Variants in AVIL observed in about 807,000 individuals in gnomAD.
AVIL encodes advillin.
In AVIL, 78 loss-of-function variants were observed where a neutral mutation model predicts 109.9. The observed-to-expected ratio is 0.71, with a 90% CI of 0.59 to 0.86. AVIL has a LOEUF of 0.86. AVIL is among the 40% of genes least tolerant of loss of function. The probability of loss-of-function intolerance (pLI) is 0.00; values close to 1 mark genes in which losing one functional copy is unlikely to be tolerated. For missense variants in AVIL, 892 were observed against 1,016.5 expected (o/e 0.88, Z 1.67); for synonymous variants, 367 against 379.1 (o/e 0.97, Z 0.37).
chr12:57,810,647 T>TA lies in AVIL; in HGVS notation c.559-97dup, dbSNP rs3216741. 481,450 of 1,459,634 alleles carry TA rather than the reference T, an allele frequency of 0.33. 87,416 individuals carry two copies. The highest frequency in any genetic ancestry group is 0.7 in the East Asian group (30,462 of 43,806). The allele number at this position is 1,459,634 out of a possible 1,614,324, so 90.4% of individuals were successfully genotyped here. On this transcript the variant is annotated intron_variant, in intron 6 of 19. Coordinates refer to ENST00000549994, the MANE Select transcript of AVIL (RefSeq NM_006576.4). ...CAGCCTAGATCCCAGACACAGGAGT[T>TA]ACTTGGATGCTGAGGAGTCCAGGGT... is the stretch of plus-strand genomic sequence containing the variant.
At chr12:57,814,030 T>A in intron 3 of AVIL, 122 bp downstream of exon 3, 3 of 1,038,794 alleles carry the variant, frequency 2.9e-6, no homozygotes, top group Non-Finnish European at 4.3e-6. Flanking sequence ...TGCATAGCAC[T>A]GAGGAACCAT....
chr12:57,817,032 C>T (rs962984146), intron 1 of AVIL, among the ~76,000 whole-genome samples: 1 of 151,962 alleles, frequency 6.6e-6, no homozygotes, highest in East Asian at 1.9e-4. Flanking sequence ...CTGTGTAGGT[C>T]GTGTACCATC....
Position 57,807,387 on chromosome 12 carries a change from C to G in AVIL, c.1435G>C (p.Gly479Arg), listed in dbSNP as rs1372468300. Reference sequence around the variant, plus strand: ...GCCATGAAGTGGCGTGGCTCCGTTCCCATCCTGACTCGAACCTGCACAGCA... The same window carrying G: ...GCCATGAAGTGGCGTGGCTCCGTTCGCATCCTGACTCGAACCTGCACAGCA... ...GAAVQVRVRM[G>R]TEPRHFMAIF... Residue 479 changes from glycine (G) to arginine (R), a missense_variant, in exon 13 of 20, where the codon GGA becomes CGA. By Grantham distance (125) the Gly-to-Arg change is moderately radical (BLOSUM62 -2). Transcript: ENST00000549994. The G allele has an allele frequency of 2.5e-6, 4 of 1,614,242 alleles. No homozygotes were observed. The East Asian group carries it at 8.9e-5, about 36-fold the overall frequency.
chr12:57,815,821 T>G, intron 2 of AVIL, 154 bp downstream of exon 2: 1 of 1,515,140 alleles, frequency 6.6e-7, no homozygotes, highest in Non-Finnish European at 8.8e-7. Context: ...CCAGGAGAGG[T>G]GAAGGATGGG....
intron 2 of AVIL, among the ~76,000 whole-genome samples, chr12:57,815,205 G>A (rs1271652070): frequency 6.6e-6 from 1 of 152,230 alleles, no homozygotes; most frequent in African/African-American, 2.4e-5. Flanking sequence ...ACCCGCCTCA[G>A]CCTCCCAGAG....
rs781263584 is a variant in AVIL, at chr12:57,810,486, G to A, written c.624C>T (p.Ile208=). ...GGCTGGCTGCCTCCTTGTCTCCCTCGATCACTCCTATTTTAGCACGGCCCC... is the reference window on the plus strand; with the variant it reads ...GGCTGGCTGCCTCCTTGTCTCCCTCAATCACTCCTATTTTAGCACGGCCCC... ...ERGGRAKIGV[I]EGDKEAASPE... Residue 208 remains isoleucine (I), a synonymous_variant, in exon 7 of 20, where the codon ATC becomes ATT. Transcript: ENST00000549994. 11 of 1,613,976 alleles carry A rather than the reference G, an allele frequency of 6.8e-6. No individual in the cohort carries two copies. The highest frequency in any genetic ancestry group is 1.6e-4 in the Middle Eastern group (1 of 6,078).
chr12:57,812,603 G>A (rs1026252753), intron 4 of AVIL, among the ~76,000 whole-genome samples: 12 of 148,522 alleles, frequency 8.1e-5, no homozygotes, highest in African/African-American at 2.7e-4. Flanking sequence ...CTCGTGATCC[G>A]CCTGCCTCGG....
chr12:57,811,146 A>G lies in AVIL; in HGVS notation c.339-19T>C. ...CTTGTAGCTAAGGGAACATCCATTC[A>G]GTTATTTGAGTGCCTGCTATGTGCT... On this transcript the variant is annotated intron_variant, in intron 4 of 19. Coordinates refer to ENST00000549994, the MANE Select transcript of AVIL (RefSeq NM_006576.4). 6.2e-7 allele frequency: 1 copy of G among 1,610,010 alleles called. No homozygotes were observed. Among genetic ancestry groups the G allele is most frequent in the East Asian group, 2.2e-5 (1 of 44,840 alleles).
rs535644422 is a variant in AVIL, at chr12:57,813,315, C to G, written c.250G>C (p.Asp84His). ...TGCACAGGGCTGCCTCCCAGGTAGT[C>G]GTCCAGCTGTGTGGTATATATGGCT... ...CAAIYTTQLD[D>H]YLGGSPVQHR... Residue 84 changes from aspartate to histidine, a missense_variant, in exon 4 of 20, where the codon GAC becomes CAC. Coordinates refer to ENST00000549994, the MANE Select transcript of AVIL (RefSeq NM_006576.4). The G allele has an allele frequency of 1.9e-6, 3 of 1,613,988 alleles. No individual in the cohort carries two copies. Among genetic ancestry groups the G allele is most frequent in the South Asian group, 1.1e-5 (1 of 91,070 alleles).
intron 3 of AVIL, among the ~76,000 whole-genome samples, chr12:57,813,893 C>T (rs370419711): frequency 3.3e-5 from 5 of 152,156 alleles, no homozygotes; most frequent in Non-Finnish European, 4.4e-5. Context: ...GGCCTAGGCC[C>T]GGGAGAAGTG....
intron 14 of AVIL, 190 bp downstream of exon 14, chr12:57,806,170 T>G: frequency 2.4e-6 from 1 of 412,008 alleles, no homozygotes. Flanking sequence ...ATCAAACGCT[T>G]CATGAATTTG....
intron 18 of AVIL, 193 bp from the exon 19 acceptor site, chr12:57,800,113 GGTT>G (rs1955817634): frequency 5.5e-6 from 4 of 726,690 alleles, no homozygotes; most frequent in Non-Finnish European, 8.5e-6. Context: ...CAGATTTTGG[GGTT>G]GTTCTTGGGA....
In AVIL at chr12:57,814,493, C is replaced by T. The variant is rs147193055; in HGVS notation, c.67-267G>A. The T allele has an allele frequency of 7.9e-4, 342 of 430,854 alleles. 4 individuals are homozygous for T. The highest frequency in any genetic ancestry group is 6.3e-3 in the African/African-American group (318 of 50,328). The allele number at this position is 430,854 out of a possible 1,614,324, so 26.7% of individuals were successfully genotyped here. ...CCTATTCTCCACTCTACTTCCCACC[C>T]GATCTCATCTCGCACTATTGTGGGA... On this transcript the variant is annotated intron_variant, in intron 2 of 19. Coordinates refer to ENST00000549994, the MANE Select transcript of AVIL (RefSeq NM_006576.4).
Position 57,803,251 on chromosome 12 carries a change from T to TC in AVIL, c.1957dup (p.Asp653GlyfsTer10). 1 of 1,614,030 alleles carries TC rather than the reference T, an allele frequency of 6.2e-7. No homozygotes were observed. The highest frequency in any genetic ancestry group is 8.5e-7 in the Non-Finnish European group (1 of 1,179,952). On this transcript the variant is annotated frameshift_variant, in exon 16 of 20. Coordinates refer to ENST00000549994, the MANE Select transcript of AVIL (RefSeq NM_006576.4). LOFTEE classifies it high-confidence loss of function. The stretch of plus-strand genomic sequence containing the variant: ...ACTTCTGCAGCTGTGTCTTACCTGG[T>TC]CCCAGGTATCTAGGAGCATCACGTC...
chr12:57,809,917 G>A, intron 7 of AVIL, 27 bp from the exon 8 acceptor site: 1 of 1,609,892 alleles, frequency 6.2e-7, no homozygotes, highest in Non-Finnish European at 8.5e-7. Flanking sequence ...GTTAGCCTGT[G>A]CCTTTTCCTC....
chr12:57,812,549 A>G (rs1956050872), intron 4 of AVIL, among the ~76,000 whole-genome samples: 1 of 151,682 alleles, frequency 6.6e-6, no homozygotes, highest in Non-Finnish European at 1.5e-5. Flanking sequence ...ATTAGTAGAG[A>G]CGGGGTTTCA....
chr12:57,815,865 T>C, intron 2 of AVIL, 110 bp downstream of exon 2: 1 of 1,570,038 alleles, frequency 6.4e-7, no homozygotes, highest in Non-Finnish European at 8.6e-7. Flanking sequence ...CTCATTCTCC[T>C]CAAACCATAG....
At chr12:57,814,011 G>T in intron 3 of AVIL, 141 bp downstream of exon 3, 1 of 824,358 alleles carries the variant, frequency 1.2e-6, no homozygotes, top group Non-Finnish European at 1.9e-6. Flanking sequence ...TCAGACTGGA[G>T]GTCTGCTCTG....
intron 18 of AVIL, 195 bp from the exon 19 acceptor site, chr12:57,800,115 T>G: frequency 1.4e-6 from 1 of 731,012 alleles, no homozygotes; most frequent in South Asian, 2.1e-5. Flanking sequence ...GATTTTGGGG[T>G]TGTTCTTGGG....
Sources: allele counts gnomAD v4.1 joint callset (sites outside exome capture counted in the v4.1 genomes callset), GRCh38; gene constraint gnomAD v4.1.1; transcripts MANE v1.5; gene names NCBI Gene and HGNC (gene_info 2026-07-23, HGNC 2026-07-21).